PAK1: variants seen among roughly 807,000 people sequenced by gnomAD.
PAK1 encodes p21 (RAC1) activated kinase 1, also known as serine/threonine-protein kinase PAK 1.
Under a neutral mutation model 67.4 loss-of-function variants are expected in PAK1, and 29 were observed. The ratio of observed to expected loss-of-function variants is 0.43; its 90% CI spans 0.32 to 0.59. The LOEUF (loss-of-function observed/expected upper bound fraction) is 0.59, where lower values mean the gene tolerates loss of function less well. Among genes scored for constraint, PAK1 ranks in the 20% least tolerant of loss-of-function variants. The pLI, the probability that PAK1 is intolerant of heterozygous loss-of-function variation, is 0.07. For missense variants in PAK1, 337 were observed against 670.7 expected (o/e 0.50, Z 5.50); for synonymous variants, 223 against 237.4 (o/e 0.94, Z 0.56).
At chr11:77,407,960 A>G (rs1953874222) in intron 1 of PAK1, among the ~76,000 whole-genome samples, 1 of 152,216 alleles carries the variant, frequency 6.6e-6, no homozygotes, top group African/African-American at 2.4e-5. Flanking sequence ...AAGTAGGCAG[A>G]AAAGAGGATA....
chr11:77,359,598 G>C (rs1946507130), intron 5 of PAK1, among the ~76,000 whole-genome samples: 1 of 152,030 alleles, frequency 6.6e-6, no homozygotes, highest in Non-Finnish European at 1.5e-5. Context: ...GTTATCTAAA[G>C]AGAACAATGA....
chr11:77,353,835 A>AT, intron 7 of PAK1, among the ~76,000 whole-genome samples: 1 of 152,224 alleles, frequency 6.6e-6, no homozygotes, highest in East Asian at 1.9e-4. Flanking sequence ...AAAGTCATTC[A>AT]TTTTTTAATT....
At chr11:77,418,340 CCT>C (rs927299166) in intron 1 of PAK1, among the ~76,000 whole-genome samples, 16 of 152,162 alleles carry the variant, frequency 1.1e-4, no homozygotes, top group African/African-American at 3.4e-4. Context: ...TTGCAATGAT[CCT>C]CTTACTGCCT....
chr11:77,424,785 G>C (rs527660630), intron 1 of PAK1, among the ~76,000 whole-genome samples: 1 of 152,150 alleles, frequency 6.6e-6, no homozygotes, highest in African/African-American at 2.4e-5. Flanking sequence ...GGCTTGAGTA[G>C]GTCCTCCACC....
At position 77,332,783 on chromosome 11, in the gene PAK1, G is replaced by A. The variant is rs115181854; in HGVS notation, c.1498C>T (p.Arg500Cys). Residue 500 changes from arginine (R) to cysteine (C), a missense_variant, in exon 14 of 15, where the codon CGC becomes TGC. Coordinates refer to ENST00000356341, the MANE Select transcript of PAK1 (RefSeq NM_002576.5). The part of the protein sequence containing the change: ...LSAIFRDFLN[R>C]CLEMDVEKRG... ...TTCTCCACATCCATCTCGAGACAGCGGTTCAGAAAGTCCCGGAAGATAGCT... is the reference window on the plus strand; with the variant it reads ...TTCTCCACATCCATCTCGAGACAGCAGTTCAGAAAGTCCCGGAAGATAGCT... The A allele has an allele frequency of 4.5e-5, 72 of 1,613,558 alleles. No individual in the cohort carries two copies. Among genetic ancestry groups the A allele is most frequent in the Non-Finnish European group, 5.3e-5 (63 of 1,179,508 alleles).
At chr11:77,480,265 C>T in the PAK1 span, among the ~76,000 whole-genome samples, 1 of 152,022 alleles carries the variant, frequency 6.6e-6, no homozygotes, top group Admixed American at 6.6e-5. Flanking sequence ...TCAAATGTTA[C>T]CTCATCAGAG....
At chr11:77,493,269 T>G in the PAK1 span, among the ~76,000 whole-genome samples, 22 of 108,220 alleles carry the variant, frequency 2.0e-4, no homozygotes, top group Admixed American at 3.5e-4. Context: ...CAGTCATTTT[T>G]TTGTTGTTTT....
At chr11:77,477,359 C>G (rs2135625001), upstream of PAK1, among the ~76,000 whole-genome samples, 1 of 152,158 alleles carries the variant, frequency 6.6e-6, no homozygotes, top group East Asian at 1.9e-4. Context: ...CATCAAACTT[C>G]TAAATAAAGA....
At chr11:77,525,259 G>C in the PAK1 span, among the ~76,000 whole-genome samples, 1 of 151,776 alleles carries the variant, frequency 6.6e-6, no homozygotes. Context: ...GAGGCTGGAG[G>C]ATCACTTGAG....
chr11:77,500,250 C>T, the PAK1 span, among the ~76,000 whole-genome samples: 1 of 151,886 alleles, frequency 6.6e-6, no homozygotes, highest in African/African-American at 2.4e-5. Context: ...GGGCGGATCA[C>T]AAGGTCAGGA....
chr11:77,460,226 AAGGAAGGG>A lies in PAK1; in HGVS notation c.-22+13318_-22+13325del, dbSNP rs531963668. Reference sequence around the variant, plus strand: ...AAAGAAAGAAGGAAAGAAAAAAAAGAAGGAAGGGAGGAAGGGAGGGAGGGAGTCAGCCA... The same window carrying A: ...AAAGAAAGAAGGAAAGAAAAAAAAGAAGGAAGGGAGGGAGGGAGTCAGCCA... On this transcript the variant is annotated intron_variant, in intron 1 of 14. Transcript: ENST00000356341. Among the ~76,000 whole-genome samples the A allele has an allele frequency of 2.3e-3, 352 of 151,274 alleles. 2 individuals are homozygous for A. Among genetic ancestry groups the A allele is most frequent in the Non-Finnish European group, 3.7e-3 (252 of 67,776 alleles).
At chr11:77,527,436 C>T in the PAK1 span, among the ~76,000 whole-genome samples, 4 of 152,184 alleles carry the variant, frequency 2.6e-5, no homozygotes, top group African/African-American at 7.2e-5. Flanking sequence ...TTATTTTGTG[C>T]CAGGCACATG....
intron 2 of PAK1, among the ~76,000 whole-genome samples, chr11:77,385,033 T>C (rs553854063): frequency 6.6e-6 from 1 of 152,258 alleles, no homozygotes; most frequent in Admixed American, 6.5e-5. Flanking sequence ...GATTAGAAAC[T>C]CTTAGCAAAC....
chr11:77,374,061 T>C (rs1288009678), intron 5 of PAK1, among the ~76,000 whole-genome samples: 1 of 152,204 alleles, frequency 6.6e-6, no homozygotes, highest in African/African-American at 2.4e-5. Context: ...TTAGAATTTC[T>C]AGAACATTTT....
chr11:77,488,956 A>C, the PAK1 span, among the ~76,000 whole-genome samples: 1 of 152,308 alleles, frequency 6.6e-6, no homozygotes, highest in East Asian at 1.9e-4. Context: ...AGGTTATAGA[A>C]CACCAGGTAG....
At chr11:77,505,297 C>A in the PAK1 span, among the ~76,000 whole-genome samples, 1 of 152,032 alleles carries the variant, frequency 6.6e-6, no homozygotes, top group Non-Finnish European at 1.5e-5. Context: ...AAGCGATTCT[C>A]CTGCCTCAGC....
the PAK1 span, among the ~76,000 whole-genome samples, chr11:77,499,987 G>A: frequency 6.6e-6 from 1 of 152,140 alleles, no homozygotes; most frequent in African/African-American, 2.4e-5. Flanking sequence ...GAAAGTGGCT[G>A]GAAGACCTCT....
At chr11:77,502,085 C>T in the PAK1 span, among the ~76,000 whole-genome samples, 3 of 136,800 alleles carry the variant, frequency 2.2e-5, no homozygotes, top group East Asian at 2.3e-4. Context: ...TTAAGATGAC[C>T]TTTTTATTCC....
chr11:77,472,997 GT>G (rs1375686268), intron 1 of PAK1, among the ~76,000 whole-genome samples: 2 of 152,074 alleles, frequency 1.3e-5, no homozygotes, highest in Non-Finnish European at 1.5e-5. Context: ...TTCCCCGGTT[GT>G]TTTTCACTTC....
Sources: gnomAD v4.1 joint callset for allele counts (sites outside exome capture counted in the v4.1 genomes callset) on GRCh38, gnomAD v4.1.1 for gene constraint, MANE v1.5 for transcripts, NCBI Gene and HGNC (gene_info 2026-07-23, HGNC 2026-07-21) for gene names.